The following DOCK1 variants were observed in gnomAD, a reference collection of about 807,000 sequenced individuals.
The protein encoded by DOCK1 is dedicator of cytokinesis 1.
Under a neutral mutation model 262.7 loss-of-function variants are expected in DOCK1, and 138 were observed. The observed-to-expected ratio is 0.53, with a 90% CI of 0.46 to 0.61. The LOEUF is 0.61. Ranked by LOEUF, DOCK1 falls within the 20% of genes least tolerant of loss-of-function variation. The pLI is 0.00. For synonymous variants in DOCK1, 866 were observed against 867.4 expected (o/e 1.00, Z 0.03); for missense variants, 1,908 against 2,370.7 (o/e 0.80, Z 4.05).
intron 1 of DOCK1, among the ~76,000 whole-genome samples, chr10:126,907,066 C>T (rs572520210): frequency 2.5e-4 from 38 of 152,330 alleles, no homozygotes; most frequent in African/African-American, 8.7e-4. Flanking sequence ...AACCTGCACC[C>T]TGTGCACCAC....
At chr10:126,918,314 C>T (rs961901025) in intron 1 of DOCK1, among the ~76,000 whole-genome samples, 5 of 152,144 alleles carry the variant, frequency 3.3e-5, no homozygotes, top group African/African-American at 1.2e-4. Context: ...GCAGCGGGGG[C>T]TCTGCTGATG....
intron 27 of DOCK1, among the ~76,000 whole-genome samples, chr10:127,187,239 C>A (rs1428816125): frequency 6.6e-6 from 1 of 152,216 alleles, no homozygotes; most frequent in Non-Finnish European, 1.5e-5. Flanking sequence ...CTCTCCAGCA[C>A]CTCCTTGGAA....
At position 127,446,937 on chromosome 10, in the gene DOCK1, G is replaced by C. The variant is rs972998229; in HGVS notation, c.5414-457G>C. On this transcript the variant is annotated intron_variant, in intron 50 of 51. Coordinates refer to ENST00000623213, the MANE Select transcript of DOCK1 (RefSeq NM_001290223.2). The surrounding 1 kb of genome is among the most constrained non-coding windows in gnomAD (Gnocchi z 4.4). ...ATGGGAAGCTGGGTGGCTGGTCGGC[G>C]TGTTAGACTTTGCTTAGTGAATCTC... Among the ~76,000 whole-genome samples the C allele has an allele frequency of 6.6e-6, 1 of 152,182 alleles. No individual in the cohort carries two copies. Among genetic ancestry groups the C allele is most frequent in the Non-Finnish European group, 1.5e-5 (1 of 68,038 alleles).
rs1489752072 is a variant in DOCK1, at chr10:127,354,733, T to A, written c.3283+6T>A. On this transcript the variant is annotated splice_donor_region_variant and intron_variant, in intron 32 of 51. Transcript: ENST00000623213. Reference sequence around the variant, plus strand: ...AGACATGTGGTACAACCTTGGTGAGTAGCCTGGATGTGGGGGCATAGTGAA... The same window carrying A: ...AGACATGTGGTACAACCTTGGTGAGAAGCCTGGATGTGGGGGCATAGTGAA... 1 of 1,613,740 alleles carries A rather than the reference T, an allele frequency of 6.2e-7. No homozygotes were observed. The highest frequency in any genetic ancestry group is 8.5e-7 in the Non-Finnish European group (1 of 1,179,730).
At chr10:127,042,839 CAG>C in intron 20 of DOCK1, 125 bp downstream of exon 20, 4 of 1,067,048 alleles carry the variant, frequency 3.7e-6, no homozygotes, top group African/African-American at 1.6e-5. Context: ...TAAATCCAAT[CAG>C]AGATGAATTG....
chr10:127,242,148 G>C, intron 27 of DOCK1, among the ~76,000 whole-genome samples: 1 of 152,104 alleles, frequency 6.6e-6, no homozygotes, highest in Non-Finnish European at 1.5e-5. Context: ...GAGTCCCCTG[G>C]TCCTTGTGGG....
chr10:127,121,493 C>G (rs966584188), intron 25 of DOCK1, among the ~76,000 whole-genome samples: 5 of 106,732 alleles, frequency 4.7e-5, no homozygotes, highest in Non-Finnish European at 6.6e-5. Context: ...GTCCGTCTGT[C>G]TGTCCATCTG....
chr10:127,066,097 C>T lies in DOCK1; in HGVS notation c.2445+4321C>T, dbSNP rs142090700. 2.5e-3 allele frequency among the ~76,000 whole-genome samples: 375 copies of T among 152,186 alleles called. 1 individual carries two copies. The highest frequency in any genetic ancestry group is 6.8e-3 in the Middle Eastern group (2 of 292). On this transcript the variant is annotated intron_variant, in intron 23 of 51. Coordinates refer to ENST00000623213, the MANE Select transcript of DOCK1 (RefSeq NM_001290223.2). ...CGTGCCTTCTGGATTCTTCTTTGCC[C>T]TCGGCGTTTCTCTCTCCTACCTGAC...
At chr10:127,181,614 C>T in intron 27 of DOCK1, among the ~76,000 whole-genome samples, 1 of 152,146 alleles carries the variant, frequency 6.6e-6, no homozygotes, top group East Asian at 1.9e-4. Context: ...ACCTTGGAGT[C>T]AAAGATGCTG....
chr10:127,395,703 G>A (rs1277089594), intron 38 of DOCK1, among the ~76,000 whole-genome samples: 1 of 152,222 alleles, frequency 6.6e-6, no homozygotes, highest in Non-Finnish European at 1.5e-5. Context: ...CGAGACGAGG[G>A]GTGGGGCATT....
At chr10:126,997,223 G>A in intron 7 of DOCK1, among the ~76,000 whole-genome samples, 2 of 152,148 alleles carry the variant, frequency 1.3e-5, no homozygotes, top group East Asian at 1.9e-4. Flanking sequence ...CTCATTGAGG[G>A]CAGAGAGTAC....
chr10:126,962,671 T>C (rs1486772937), intron 1 of DOCK1, among the ~76,000 whole-genome samples: 2 of 152,236 alleles, frequency 1.3e-5, no homozygotes, highest in Non-Finnish European at 2.9e-5. Flanking sequence ...TCTCCCCTTC[T>C]GTAGGTTGCC....
At chr10:127,203,989 G>A (rs1450327401) in intron 27 of DOCK1, among the ~76,000 whole-genome samples, 1 of 151,202 alleles carries the variant, frequency 6.6e-6, no homozygotes, top group Non-Finnish European at 1.5e-5. Context: ...AAACTCCAGT[G>A]TCCATAGTTT....
intron 27 of DOCK1, among the ~76,000 whole-genome samples, chr10:127,226,388 G>A (rs949151148): frequency 6.6e-6 from 1 of 152,062 alleles, no homozygotes; most frequent in Non-Finnish European, 1.5e-5. Flanking sequence ...CATGCCAGGC[G>A]CTCATGGCGT....
At chr10:127,108,611 A>G (rs2048681267) in intron 24 of DOCK1, among the ~76,000 whole-genome samples, 2 of 152,124 alleles carry the variant, frequency 1.3e-5, no homozygotes, top group Admixed American at 6.5e-5. Flanking sequence ...AAAAGTCACC[A>G]TTCTTTGTGA....
At chr10:127,341,870 T>C (rs1458469557) in intron 30 of DOCK1, among the ~76,000 whole-genome samples, 1 of 152,210 alleles carries the variant, frequency 6.6e-6, no homozygotes, top group East Asian at 1.9e-4. Context: ...GGCTGCATTC[T>C]GAGAGTCACA....
rs746126759 is a variant in DOCK1 at position 127,175,929 on chromosome 10, A to T, written c.2847+48165A>T. The T allele has an allele frequency of 6.2e-7, 1 of 1,613,976 alleles. No homozygotes were observed. The highest frequency in any genetic ancestry group is 1.3e-5 in the African/African-American group (1 of 74,908). On this transcript the variant is annotated intron_variant, in intron 27 of 51. Transcript: ENST00000623213. This position sits in a 1 kb window ranked among gnomAD's most constrained non-coding sequence, Gnocchi z 6.3. The stretch of plus-strand genomic sequence containing the variant: ...CGCGCCACATGGCCGGGCCTCCTCC[A>T]TGGGTCCAGCCTCGTTCTTCTCTTT...
chr10:127,391,630 C>T (rs1051670935), intron 38 of DOCK1, among the ~76,000 whole-genome samples: 3 of 152,014 alleles, frequency 2.0e-5, no homozygotes, highest in Admixed American at 1.3e-4. Context: ...GAGCCTTCCC[C>T]GCTGACAGAC....
At chr10:127,425,853 G>A (rs1478000765) in intron 46 of DOCK1, 21 bp from the exon 47 acceptor site, 19 of 1,613,784 alleles carry the variant, frequency 1.2e-5, no homozygotes, top group Non-Finnish European at 1.6e-5. Flanking sequence ...AATAAGGAAT[G>A]TCAACCTCTC....
Sources: allele counts gnomAD v4.1 joint callset (sites outside exome capture counted in the v4.1 genomes callset), GRCh38; gene constraint gnomAD v4.1.1; non-coding constraint Gnocchi (gnomAD v3.1); transcripts MANE v1.5; gene names NCBI Gene and HGNC (gene_info 2026-07-23, HGNC 2026-07-21).